The following SMARCA2 variants were observed in gnomAD, a reference collection of about 807,000 sequenced individuals.
SMARCA2 encodes the protein SWI/SNF related BAF chromatin remodeling complex subunit ATPase 2.
SMARCA2 carries 61 observed loss-of-function variants against 199.8 expected under a neutral mutation model. The observed-to-expected ratio is 0.31, with a 90% CI of 0.25 to 0.38. The LOEUF (loss-of-function observed/expected upper bound fraction) is 0.38. SMARCA2 is among the 10% of genes least tolerant of loss of function. The pLI, the probability that SMARCA2 is intolerant of heterozygous loss-of-function variation, is 1.00. For synonymous variants in SMARCA2, 935 were observed against 732.0 expected (o/e 1.28, Z -4.48); for missense variants, 1,344 against 2,012.2 (o/e 0.67, Z 6.35).
chr9:2,158,651 G>A (rs1254111081), intron 27 of SMARCA2: 1 of 302,890 alleles, frequency 3.3e-6, no homozygotes, highest in Non-Finnish European at 6.0e-6. Context: ...GCAAGTTTTG[G>A]GGTTTTTTTT....
chr9:2,149,122 G>A (rs191807731), intron 27 of SMARCA2, among the ~76,000 whole-genome samples: 2 of 151,052 alleles, frequency 1.3e-5, no homozygotes, highest in African/African-American at 2.4e-5. Flanking sequence ...GGTTTAATTG[G>A]ACTTACAGTT....
At position 2,170,657 on chromosome 9, in the gene SMARCA2, T is replaced by A. The variant is rs1191123785; in HGVS notation, c.4253+185T>A. 2.0e-5 allele frequency among the ~76,000 whole-genome samples: 3 copies of A among 152,222 alleles called. No individual in the cohort carries two copies. The highest frequency in any genetic ancestry group is 2.0e-4 in the Admixed American group (3 of 15,278). On this transcript the variant is annotated intron_variant, in intron 29 of 33. Transcript: ENST00000349721. This position sits in a 1 kb window ranked among gnomAD's most constrained non-coding sequence, Gnocchi z 4.7. The stretch of plus-strand genomic sequence containing the variant: ...CAGCTGTCATGGCTTCTGAAGTTGT[T>A]GGTGCTGTATTTTAATCTGGCTGTG...
chr9:2,179,699 A>G (rs1826877556), intron 29 of SMARCA2, among the ~76,000 whole-genome samples: 1 of 152,172 alleles, frequency 6.6e-6, no homozygotes, highest in Non-Finnish European at 1.5e-5. Context: ...GAGTGTGTCC[A>G]TCACAGGTGT....
At chr9:2,059,055 A>G (rs1003975317) in intron 8 of SMARCA2, among the ~76,000 whole-genome samples, 8 of 152,204 alleles carry the variant, frequency 5.3e-5, no homozygotes, top group Admixed American at 1.3e-4. Context: ...TTATTTTTTA[A>G]TGGGCATATA....
chr9:2,042,593 G>T (rs1395106861), intron 4 of SMARCA2: 1 of 151,600 alleles, frequency 6.6e-6, no homozygotes, highest in Non-Finnish European at 1.5e-5. Flanking sequence ...CACAATAAAT[G>T]CTTCATGTCC....
rs774085434 is a variant in SMARCA2, at chr9:2,029,135, G to A, written c.113G>A (p.Gly38Asp). The A allele has an allele frequency of 6.2e-7, 1 of 1,611,770 alleles. No individual in the cohort carries two copies. The highest frequency in any genetic ancestry group is 8.5e-7 in the Non-Finnish European group (1 of 1,178,930). Residue 38 changes from glycine (G) to aspartate (D), a missense_variant, in exon 2 of 34, where the codon GGT becomes GAT. Physicochemically the swap from Gly to Asp is moderately conservative, Grantham distance 94 (BLOSUM62 -1). Transcript: ENST00000349721. Reference sequence around the variant, plus strand: ...AGTCCAGGACCAGGACCATCCCCAGGTTCCGTCCACAGCATGATGGGGCCA... The same window carrying A: ...AGTCCAGGACCAGGACCATCCCCAGATTCCGTCCACAGCATGATGGGGCCA... The part of the protein sequence containing the change: ...GPSPGPGPSP[G>D]SVHSMMGPSP...
chr9:2,182,013 G>C (rs563444561), intron 30 of SMARCA2, 128 bp from the exon 31 acceptor site: 1 of 751,134 alleles, frequency 1.3e-6, no homozygotes, highest in Non-Finnish European at 2.4e-6. Context: ...GGGTTATGCA[G>C]TCCCAGATCC....
At chr9:2,121,071 C>T (rs1022977122) in intron 26 of SMARCA2, among the ~76,000 whole-genome samples, 3 of 152,282 alleles carry the variant, frequency 2.0e-5, no homozygotes, top group East Asian at 3.9e-4. Flanking sequence ...CTGCTAAAGC[C>T]GCAGATACTC....
intron 27 of SMARCA2, among the ~76,000 whole-genome samples, chr9:2,152,405 T>C (rs115631629): frequency 0.032 from 4,834 of 152,018 alleles, 266 homozygotes; most frequent in African/African-American, 0.11. Context: ...AATACAAGAT[T>C]AGCCAGGTGT....
At chr9:2,113,681 G>C (rs370325829) in intron 24 of SMARCA2, among the ~76,000 whole-genome samples, 3 of 152,122 alleles carry the variant, frequency 2.0e-5, no homozygotes, top group African/African-American at 4.8e-5. Flanking sequence ...ACCACCAAAC[G>C]AAACTTAACT....
At chr9:2,183,691 T>C (rs1827219455) in intron 31 of SMARCA2, among the ~76,000 whole-genome samples, 1 of 152,132 alleles carries the variant, frequency 6.6e-6, no homozygotes, top group African/African-American at 2.4e-5. Context: ...ATTTCCAAGT[T>C]AATAGTAGTA....
intron 27 of SMARCA2, chr9:2,157,902 G>C (rs1825451257): frequency 1.0e-5 from 4 of 398,552 alleles, no homozygotes; most frequent in Non-Finnish European, 1.8e-5. Flanking sequence ...TGTGTGTCAG[G>C]ATGAGAGGGC....
chr9:2,168,995 A>G (rs1449102443), intron 28 of SMARCA2, among the ~76,000 whole-genome samples: 1 of 152,226 alleles, frequency 6.6e-6, no homozygotes, highest in African/African-American at 2.4e-5. Context: ...ACTCGTGCAC[A>G]TTCGGAGATG....
rs751219083 is a variant in SMARCA2 at position 2,159,009 on chromosome 9, C to CA, written c.3982-2673dup. On this transcript the variant is annotated intron_variant, in intron 27 of 33. Transcript: ENST00000349721. ...TACTTTGTGTGTTTCCTTGTAATTC[C>CA]AAAACCTAAATTTAATAAGAATCTG... 1.1e-5 allele frequency: 17 copies of CA among 1,609,860 alleles called. 1 individual carries two copies. The South Asian group carries it at 1.9e-4, about 18-fold the overall frequency.
intron 27 of SMARCA2, among the ~76,000 whole-genome samples, chr9:2,156,135 C>G (rs1411602724): frequency 6.6e-6 from 1 of 152,114 alleles, no homozygotes; most frequent in Non-Finnish European, 1.5e-5. Flanking sequence ...CCTTAATAAC[C>G]TTTGAAAGAA....
chr9:2,052,130 T>C (rs1820146093), intron 5 of SMARCA2, among the ~76,000 whole-genome samples: 1 of 152,224 alleles, frequency 6.6e-6, no homozygotes, highest in African/African-American at 2.4e-5. Context: ...TTTCAGTCTT[T>C]TGAATGATTA....
intron 27 of SMARCA2, among the ~76,000 whole-genome samples, chr9:2,151,189 G>A (rs1272132841): frequency 6.6e-6 from 1 of 151,456 alleles, no homozygotes; most frequent in Non-Finnish European, 1.5e-5. Context: ...TGATTTGTTA[G>A]CGAGCGTCTG....
chr9:2,133,238 A>G (rs1824041319), intron 27 of SMARCA2, among the ~76,000 whole-genome samples: 1 of 152,224 alleles, frequency 6.6e-6, no homozygotes, highest in Admixed American at 6.5e-5. Flanking sequence ...TTTGTATTAT[A>G]TTTTAGAAAT....
At chr9:2,064,299 G>A (rs973813207) in intron 9 of SMARCA2, among the ~76,000 whole-genome samples, 2 of 152,128 alleles carry the variant, frequency 1.3e-5, no homozygotes, top group Non-Finnish European at 2.9e-5. Flanking sequence ...AGGCTAGTTC[G>A]TTAAAAGATC....
Sources: allele counts gnomAD v4.1 joint callset (sites outside exome capture counted in the v4.1 genomes callset), GRCh38; gene constraint gnomAD v4.1.1; non-coding constraint Gnocchi (gnomAD v3.1); transcripts MANE v1.5; gene names NCBI Gene and HGNC (gene_info 2026-07-23, HGNC 2026-07-21).